Variants in FLG2 observed in about 807,000 individuals in gnomAD.
FLG2 encodes the protein filaggrin-2.
In FLG2, 7 loss-of-function variants were observed where a neutral mutation model predicts 3.9. The observed-to-expected ratio is 1.79, with a 90% CI of 1.02 to 3.36. The LOEUF is 3.36. FLG2 is among the 30% of genes most tolerant of loss of function. The probability of loss-of-function intolerance (pLI) is 0.00; values close to 1 mark genes in which losing one functional copy is unlikely to be tolerated. For missense variants in FLG2, 2,700 were observed against 2,809.4 expected (o/e 0.96, Z 0.88); for synonymous variants, 1,031 against 1,056.1 (o/e 0.98, Z 0.46).
Position 152,351,993 on chromosome 1 carries a change from T to G in FLG2, c.5793A>C (p.Glu1931Asp), listed in dbSNP as rs757707589. ...TTTGTCCATGACTAGGGTGGCCATG[T>G]TCAGTGGTATCTCCTGTCTGTCCAT... ...TTHGQTGDTT[E>D]HGHPSHGQTI... Residue 1931 changes from glutamate to aspartate, a missense_variant, in exon 3 of 3, where the codon GAA (glutamate) becomes GAC (aspartate). Glu to Asp is a conservative substitution (Grantham distance 45). Coordinates refer to ENST00000388718, the MANE Select transcript of FLG2 (RefSeq NM_001014342.3). The G allele has an allele frequency of 1.2e-6, 2 of 1,613,876 alleles. No individual in the cohort carries two copies. The highest frequency in any genetic ancestry group is 1.7e-6 in the Non-Finnish European group (2 of 1,179,940).
In FLG2 at chr1:152,355,248, G is replaced by T; in HGVS notation, c.2538C>A (p.Gly846=). 1 of 1,612,304 alleles carries T rather than the reference G, an allele frequency of 6.2e-7. No individual in the cohort carries two copies. Among genetic ancestry groups the T allele is most frequent in the Non-Finnish European group, 8.5e-7 (1 of 1,179,578 alleles). ...HESRSHQSSY[G]QHGSGSSQSS... ...ATTGACTTGAGCCAGAACCATGTTG[G>T]CCATAGCTGGACTGATGTGATCTAG... Residue 846 remains glycine (G), a synonymous_variant, in exon 3 of 3, where the codon GGC becomes GGA. Coordinates refer to ENST00000388718, the MANE Select transcript of FLG2 (RefSeq NM_001014342.3).
rs1368249779 is a variant in FLG2, at chr1:152,352,413, T to A, written c.5373A>T (p.Thr1791=). Residue 1791 remains threonine, a synonymous_variant, in exon 3 of 3, where the codon ACA becomes ACT. Transcript: ENST00000388718. ...AHSGHGQSTQ[T]GSRTTGRRSS... ...ACCTTCTTCCAGTGGTCCTGGACCCTGTCTGTGTGGACTGTCCATGACCAG... is the reference window on the plus strand; with the variant it reads ...ACCTTCTTCCAGTGGTCCTGGACCCAGTCTGTGTGGACTGTCCATGACCAG... 1.2e-6 allele frequency: 2 copies of A among 1,613,988 alleles called. No individual in the cohort carries two copies. Among genetic ancestry groups the A allele is most frequent in the Admixed American group, 3.3e-5 (2 of 59,996 alleles).
intron 2 of FLG2, 133 bp downstream of exon 2, chr1:152,358,614 G>T: frequency 1.3e-6 from 1 of 787,868 alleles, no homozygotes; most frequent in Non-Finnish European, 1.9e-6. Context: ...CAGACTTTCT[G>T]GCATCCCCAA....
In FLG2 at chr1:152,357,064, G is replaced by A. The variant is rs1351524792; in HGVS notation, c.722C>T (p.Ser241Leu). 6 of 1,614,028 alleles carry A rather than the reference G, an allele frequency of 3.7e-6. No homozygotes were observed. In the Admixed American group the frequency reaches 1.0e-4, roughly 27 times the overall value. The change falls in exon 3 of 3, where the codon TCA becomes TTA. Residue 241 changes from serine (S) to leucine (L), a missense_variant. Coordinates refer to ENST00000388718, the MANE Select transcript of FLG2 (RefSeq NM_001014342.3). ...ATGCCCACTAGTCTCCAATCCACAT[G>A]ACAGACCACCATGACCTTTCCTTTC... The part of the protein sequence containing the change: ...SWERKGHGGL[S>L]CGLETSGHES...
Position 152,350,893 on chromosome 1 carries a change from T to C in FLG2, c.6893A>G (p.His2298Arg). The C allele has an allele frequency of 6.2e-7, 1 of 1,614,044 alleles. No individual in the cohort carries two copies. The highest frequency in any genetic ancestry group is 8.5e-7 in the Non-Finnish European group (1 of 1,179,992). The change falls in exon 3 of 3, where the codon CAT becomes CGT. Residue 2298 changes from histidine (H) to arginine (R), a missense_variant. Physicochemically the swap from His to Arg is conservative, Grantham distance 29. Transcript: ENST00000388718. ...STVHGRLETT[H>R]GQTGDTTRHG... ...TCTAGTGGTATCTCCTGTCTGTCCATGAGTAGTTTCCAGTCTCCCATGAAC... is the reference window on the plus strand; with the variant it reads ...TCTAGTGGTATCTCCTGTCTGTCCACGAGTAGTTTCCAGTCTCCCATGAAC...
chr1:152,358,706 C>T, intron 2 of FLG2, 41 bp downstream of exon 2: 1 of 1,594,628 alleles, frequency 6.3e-7, no homozygotes, highest in Non-Finnish European at 8.5e-7. Context: ...AGAGCTTGTA[C>T]AGGACTCCAG....
rs1373598662 is a variant in FLG2, at chr1:152,357,211, C to T, written c.575G>A (p.Gly192Asp). The T allele has an allele frequency of 1.9e-6, 3 of 1,614,090 alleles. No individual in the cohort carries two copies. Among genetic ancestry groups the T allele is most frequent in the Admixed American group, 1.7e-5 (1 of 60,008 alleles). The change falls in exon 3 of 3, where the codon GGT becomes GAT. Residue 192 changes from glycine to aspartate, a missense_variant. By Grantham distance (94) the Gly-to-Asp change is moderately conservative (BLOSUM62 -1). Coordinates refer to ENST00000388718, the MANE Select transcript of FLG2 (RefSeq NM_001014342.3). ...GCTGGAACCATGTCTGTCTTTGCCA[C>T]CACTCCATGAATGACCACAGCTGGA... is the stretch of plus-strand genomic sequence containing the variant. The part of the protein sequence containing the change: ...HRSSCGHSWS[G>D]GKDRHGSSSV...
chr1:152,357,805 A>G (rs1444061495), intron 2 of FLG2, among the ~76,000 whole-genome samples, 158 bp from the exon 3 acceptor site: 1 of 152,166 alleles, frequency 6.6e-6, no homozygotes, highest in African/African-American at 2.4e-5. Context: ...GTAAATGTTA[A>G]GGGTTAATAG....
chr1:152,359,006 T>G, intron 1 of FLG2, 100 bp from the exon 2 acceptor site: 1 of 1,131,900 alleles, frequency 8.8e-7, no homozygotes, highest in South Asian at 1.7e-5. Flanking sequence ...TAACCTCTTG[T>G]TTTTTAAATC....
chr1:152,352,573 G>A lies in FLG2; in HGVS notation c.5213C>T (p.Ser1738Leu). ...TCCTGAATGTGTATGTGAGACTCCTGAGTACCCTTCACTGTCACTGTACTC... is the reference window on the plus strand; with the variant it reads ...TCCTGAATGTGTATGTGAGACTCCTAAGTACCCTTCACTGTCACTGTACTC... ...HSEYSDSEGY[S>L]GVSHTHSGHT... is the part of the protein sequence containing the mutation. The change falls in exon 3 of 3, where the codon TCA becomes TTA. Residue 1738 changes from serine to leucine, a missense_variant. Transcript: ENST00000388718. The A allele has an allele frequency of 1.2e-6, 2 of 1,613,642 alleles. No homozygotes were observed. Among genetic ancestry groups the A allele is most frequent in the African/African-American group, 1.3e-5 (1 of 74,850 alleles).
Position 152,355,960 on chromosome 1 carries a change from T to G in FLG2, c.1826A>C (p.His609Pro), listed in dbSNP as rs1195286357. 3.1e-6 allele frequency: 5 copies of G among 1,608,940 alleles called. No individual in the cohort carries two copies. Among genetic ancestry groups the G allele is most frequent in the Non-Finnish European group, 3.4e-6 (4 of 1,177,456 alleles). The change falls in exon 3 of 3, where the codon CAT (histidine) becomes CCT (proline). Residue 609 changes from histidine to proline, a missense_variant. Transcript: ENST00000388718. ...GSGQSSGFGQHESRSGQSSYG... is the reference protein window; with the variant it reads ...GSGQSSGFGQPESRSGQSSYG... ...ACTAGACTGACCTGATCTAGACTCA[T>G]GTTGTCCAAAGCCAGAGGATTGTCC...
rs774775151 is a variant in FLG2 at position 152,352,347 on chromosome 1, T to A, written c.5439A>T (p.Ser1813=). 3.1e-6 allele frequency: 5 copies of A among 1,613,524 alleles called. No individual in the cohort carries two copies. Among genetic ancestry groups the A allele is most frequent in the Non-Finnish European group, 4.2e-6 (5 of 1,179,830 alleles). Residue 1813 remains serine, a synonymous_variant, in exon 3 of 3, where the codon TCA becomes TCT. Coordinates refer to ENST00000388718, the MANE Select transcript of FLG2 (RefSeq NM_001014342.3). The stretch of plus-strand genomic sequence containing the variant: ...GTGAGTGTGGTCTTTGTGAGAACCC[T>A]GAGTGCCCTTCACTGTCACTGTACT... ...HSEYSDSEGH[S]GFSQRPHSRG... is the part of the protein sequence containing the mutation.
chr1:152,358,154 T>C (rs964957808), intron 2 of FLG2, among the ~76,000 whole-genome samples: 1 of 151,984 alleles, frequency 6.6e-6, no homozygotes. Flanking sequence ...CCCGAGTAGC[T>C]GGGACTACAG....
At position 152,353,905 on chromosome 1, in the gene FLG2, G is replaced by A; in HGVS notation, c.3881C>T (p.Thr1294Ile). The change falls in exon 3 of 3, where the codon ACA becomes ATA. Residue 1294 changes from threonine (T) to isoleucine (I), a missense_variant. Thr to Ile is a moderately conservative substitution (Grantham distance 89, BLOSUM62 -1). Transcript: ENST00000388718. The stretch of plus-strand genomic sequence containing the variant: ...CTTTGGGTAGTGAGATCCAGCTTGT[G>A]TGTGAATGTGTTCTGAATGTCTGTG... The part of the protein sequence containing the change: ...VSHRHSEHIH[T>I]QAGSHYPKSG... 2 of 1,614,028 alleles carry A rather than the reference G, an allele frequency of 1.2e-6. No individual in the cohort carries two copies. Among genetic ancestry groups the A allele is most frequent in the Non-Finnish European group, 1.7e-6 (2 of 1,179,974 alleles).
In FLG2 at chr1:152,352,123, A is replaced by G. The variant is rs148592710; in HGVS notation, c.5663T>C (p.Val1888Ala). The G allele has an allele frequency of 4.5e-5, 72 of 1,596,712 alleles. No individual in the cohort carries two copies. The African/African-American group carries it at 9.8e-4, about 22-fold the overall frequency. ...ATGTGTATGTGAGCCCCCTGAGTGC[A>G]CTTCACTGTCACTGGACTCACTGTG... The part of the protein sequence containing the change: ...SGHSESSDSE[V>A]HSGGSHTHSG... The change falls in exon 3 of 3, where the codon GTG becomes GCG. Residue 1888 changes from valine to alanine, a missense_variant. By Grantham distance (64) the Val-to-Ala change is moderately conservative (BLOSUM62 0). Coordinates refer to ENST00000388718, the MANE Select transcript of FLG2 (RefSeq NM_001014342.3).
In FLG2 at chr1:152,353,490, C is replaced by T. The variant is rs920163570; in HGVS notation, c.4296G>A (p.Val1432=). Residue 1432 remains valine, a synonymous_variant, in exon 3 of 3, where the codon GTG becomes GTA. Transcript: ENST00000388718. ...SGHSESSDSE[V]HSGGSHRPQS... ...GTGGTCTGTGTGAGCCCCCTGAGTG[C>T]ACTTCACTGTCACTGGACTCACTAT... 4 of 1,613,636 alleles carry T rather than the reference C, an allele frequency of 2.5e-6. No individual in the cohort carries two copies. The highest frequency in any genetic ancestry group is 2.7e-5 in the African/African-American group (2 of 74,730).
Position 152,352,575 on chromosome 1 carries a change from G to A in FLG2, c.5211C>T (p.Tyr1737=). 1 of 1,613,686 alleles carries A rather than the reference G, an allele frequency of 6.2e-7. No individual in the cohort carries two copies. The highest frequency in any genetic ancestry group is 8.5e-7 in the Non-Finnish European group (1 of 1,179,890). Residue 1737 remains tyrosine, a synonymous_variant, in exon 3 of 3, where the codon TAC becomes TAT. Coordinates refer to ENST00000388718, the MANE Select transcript of FLG2 (RefSeq NM_001014342.3). ...GHSEYSDSEG[Y]SGVSHTHSGH... is the part of the protein sequence containing the mutation. ...CTGAATGTGTATGTGAGACTCCTGA[G>A]TACCCTTCACTGTCACTGTACTCAC...
Position 152,350,577 on chromosome 1 carries a change from G to A in FLG2, c.*33C>T. Reference sequence around the variant, plus strand: ...GTCTTCCTGTTCTTTTAGTTGCTTTGGATACTATAAGGTCAGAACTAGAAA... The same window carrying A: ...GTCTTCCTGTTCTTTTAGTTGCTTTAGATACTATAAGGTCAGAACTAGAAA... On this transcript the variant is annotated 3_prime_UTR_variant, in exon 3 of 3. Transcript: ENST00000388718. 1 of 1,577,780 alleles carries A rather than the reference G, an allele frequency of 6.3e-7. No individual in the cohort carries two copies.
In FLG2 at chr1:152,356,338, C is replaced by A; in HGVS notation, c.1448G>T (p.Gly483Val). 1 of 1,614,176 alleles carries A rather than the reference C, an allele frequency of 6.2e-7. No individual in the cohort carries two copies. The stretch of plus-strand genomic sequence containing the variant: ...GCCAGAGGACTGACCTGAGCCAGAC[C>A]CATGTTGTCCAAAGCCAGATGTCTT... ...SGKTSGFGQH[G>V]SGSGQSSGFG... The change falls in exon 3 of 3, where the codon GGG (glycine) becomes GTG (valine). Residue 483 changes from glycine to valine, a missense_variant. Physicochemically the swap from Gly to Val is moderately radical, Grantham distance 109. Transcript: ENST00000388718.
Sources: allele counts gnomAD v4.1 joint callset (sites outside exome capture counted in the v4.1 genomes callset), GRCh38; gene constraint gnomAD v4.1.1; transcripts MANE v1.5; gene names NCBI Gene and HGNC (gene_info 2026-07-23, HGNC 2026-07-21).